Variants in OCA2 observed in about 807,000 individuals in gnomAD.
OCA2 encodes the protein P protein.
Under a neutral mutation model 100.2 loss-of-function variants are expected in OCA2, and 77 were observed. That is an observed-to-expected ratio of 0.77 (90% confidence interval 0.64 to 0.93). OCA2 has a LOEUF of 0.93. Ranked by LOEUF, OCA2 falls within the 40% of genes least tolerant of loss-of-function variation. The probability of loss-of-function intolerance (pLI) is 0.00; values close to 1 mark genes in which losing one functional copy is unlikely to be tolerated. For missense variants in OCA2, 1,062 were observed against 1,089.1 expected, an observed-to-expected ratio of 0.98 and a Z score of 0.35; for synonymous variants, 432 against 439.2, an observed-to-expected ratio of 0.98 and a Z score of 0.21.
chr15:27,794,845 A>T (rs1351977640), intron 23 of OCA2, among the ~76,000 whole-genome samples: 1 of 152,022 alleles, frequency 6.6e-6, no homozygotes, highest in Non-Finnish European at 1.5e-5. Context: ...AAACAAATGC[A>T]TTTTTTTTCC....
chr15:27,754,709 G>GA, downstream of OCA2, among the ~76,000 whole-genome samples: 1 of 152,240 alleles, frequency 6.6e-6, no homozygotes, highest in Middle Eastern at 3.4e-3. Context: ...TTGCAAAATG[G>GA]AAAAATCATT....
intron 23 of OCA2, among the ~76,000 whole-genome samples, chr15:27,827,164 A>G (rs1258446870): frequency 6.6e-6 from 1 of 152,252 alleles, no homozygotes; most frequent in East Asian, 1.9e-4. Flanking sequence ...GATATGAAAC[A>G]TATAACAAGA....
At chr15:28,089,654 C>T (rs2044839295) in intron 1 of OCA2, among the ~76,000 whole-genome samples, 1 of 152,196 alleles carries the variant, frequency 6.6e-6, no homozygotes. Flanking sequence ...AATACATCAA[C>T]TAAAAGACGG....
chr15:28,082,016 C>G, intron 1 of OCA2, 121 bp from the exon 2 acceptor site: 2 of 801,282 alleles, frequency 2.5e-6, no homozygotes, highest in South Asian at 3.1e-5. Flanking sequence ...GTTCCAGCAT[C>G]CTAACCACGC....
At chr15:27,787,054 T>C (rs371702669) in intron 23 of OCA2, among the ~76,000 whole-genome samples, 8 of 152,262 alleles carry the variant, frequency 5.3e-5, no homozygotes, top group African/African-American at 1.9e-4. Flanking sequence ...TGGGAGTTTT[T>C]TGCCCTTTAT....
intron 23 of OCA2, among the ~76,000 whole-genome samples, chr15:27,778,212 T>C (rs868734577): frequency 5.9e-5 from 9 of 152,358 alleles, no homozygotes; most frequent in Middle Eastern, 3.4e-3. Flanking sequence ...TTTTGCTGAC[T>C]GTGAAACCAC....
intron 2 of OCA2, among the ~76,000 whole-genome samples, chr15:28,069,745 C>T (rs190489688): frequency 0.064 from 9,195 of 144,648 alleles, 329 homozygotes; most frequent in Middle Eastern, 0.099. Flanking sequence ...GTGATCTCAG[C>T]TCACTACAAC....
At chr15:27,879,536 A>G (rs2036928582) in intron 19 of OCA2, among the ~76,000 whole-genome samples, 1 of 152,160 alleles carries the variant, frequency 6.6e-6, no homozygotes, top group African/African-American at 2.4e-5. Context: ...TGACTTTTAA[A>G]TAATTGCCAT....
At chr15:27,897,201 A>G (rs1008443827) in intron 19 of OCA2, among the ~76,000 whole-genome samples, 9 of 152,062 alleles carry the variant, frequency 5.9e-5, no homozygotes, top group African/African-American at 1.9e-4. Context: ...AAAAAAAAAA[A>G]AAAGAAATCT....
chr15:27,852,109 A>T (rs148580633), intron 21 of OCA2, among the ~76,000 whole-genome samples: 1 of 152,220 alleles, frequency 6.6e-6, no homozygotes, highest in African/African-American at 2.4e-5. Context: ...CAGCCGTGCC[A>T]GCCTCTGGTG....
At chr15:28,047,375 C>T (rs1280110471) in intron 2 of OCA2, among the ~76,000 whole-genome samples, 1 of 152,138 alleles carries the variant, frequency 6.6e-6, no homozygotes, top group East Asian at 1.9e-4. Context: ...GAATTCGGAC[C>T]TCTCCAGCTT....
Position 27,957,331 on chromosome 15 carries a change from C to T in OCA2, c.1784+257G>A, listed in dbSNP as rs755760770. The stretch of plus-strand genomic sequence containing the variant: ...GCCCCATCCCCAGTGCCACTCCTTC[C>T]GAGCTGCACAACCCTGGGCACGCCG... On this transcript the variant is annotated intron_variant, in intron 16 of 23. Transcript: ENST00000354638. The surrounding 1 kb of genome is among the most constrained non-coding windows in gnomAD (Gnocchi z 4.3). Among the ~76,000 whole-genome samples the T allele has an allele frequency of 4.6e-5, 7 of 152,174 alleles. No homozygotes were observed. Among genetic ancestry groups the T allele is most frequent in the Non-Finnish European group, 1.0e-4 (7 of 68,040 alleles).
intron 23 of OCA2, among the ~76,000 whole-genome samples, chr15:27,771,797 T>C (rs2031889793): frequency 6.6e-6 from 1 of 152,178 alleles, no homozygotes; most frequent in African/African-American, 2.4e-5. Context: ...GCTTTCCCAT[T>C]CTCTTTCTTG....
intron 21 of OCA2, among the ~76,000 whole-genome samples, chr15:27,863,469 G>A (rs2036211029): frequency 6.6e-6 from 1 of 152,142 alleles, no homozygotes; most frequent in African/African-American, 2.4e-5. Context: ...TGTGGAGTGG[G>A]TCACCCGGCA....
intron 23 of OCA2, among the ~76,000 whole-genome samples, chr15:27,810,959 T>C (rs563018822): frequency 6.6e-6 from 1 of 152,308 alleles, no homozygotes; most frequent in South Asian, 2.1e-4. Flanking sequence ...GAAAACTATA[T>C]AGGGATTCCT....
intron 21 of OCA2, among the ~76,000 whole-genome samples, chr15:27,859,458 C>A (rs979050594): frequency 3.3e-5 from 5 of 151,946 alleles, no homozygotes; most frequent in African/African-American, 4.8e-5. Flanking sequence ...CACAATCTAC[C>A]AAAACTGACT....
chr15:27,856,799 G>A (rs2035965952), intron 21 of OCA2, among the ~76,000 whole-genome samples: 1 of 151,844 alleles, frequency 6.6e-6, no homozygotes, highest in South Asian at 2.1e-4. Context: ...AGAGATAATA[G>A]AAGAAAAACT....
chr15:27,722,652 T>TTC, the OCA2 span, among the ~76,000 whole-genome samples: 5 of 94,214 alleles, frequency 5.3e-5, no homozygotes, highest in South Asian at 3.4e-4. Flanking sequence ...CTTCCTTCTT[T>TTC]TCTCTCTTTC....
intron 19 of OCA2, among the ~76,000 whole-genome samples, chr15:27,882,302 CACTA>C (rs552320501): frequency 3.3e-5 from 5 of 152,184 alleles, no homozygotes; most frequent in Non-Finnish European, 7.3e-5. Flanking sequence ...TATTTCAGTT[CACTA>C]ACTCTTTGCT....
Sources: gnomAD v4.1 joint callset for allele counts (sites outside exome capture counted in the v4.1 genomes callset) on GRCh38, gnomAD v4.1.1 for gene constraint, Gnocchi (gnomAD v3.1) non-coding constraint, MANE v1.5 for transcripts, NCBI Gene and HGNC (gene_info 2026-07-23, HGNC 2026-07-21) for gene names.